The following RASSF1 variants were observed in gnomAD, a reference collection of about 807,000 sequenced individuals.
The protein encoded by RASSF1 is ras association domain-containing protein 1.
Under a neutral mutation model 34.3 loss-of-function variants are expected in RASSF1, and 33 were observed. That is an observed-to-expected ratio of 0.96 (90% CI 0.73 to 1.29). The LOEUF is 1.29. RASSF1 is among the 50% of genes most tolerant of loss of function. RASSF1 has a pLI of 0.00. For synonymous variants in RASSF1, 191 were observed against 195.0 expected (o/e 0.98, Z 0.17); for missense variants, 445 against 471.8 (o/e 0.94, Z 0.53).
intron 1 of RASSF1, among the ~76,000 whole-genome samples, chr3:50,339,067 C>G (rs1306311943): frequency 6.6e-6 from 1 of 152,216 alleles, no homozygotes; most frequent in Non-Finnish European, 1.5e-5. Context: ...GACCTAAACC[C>G]TCAGACTAGA....
At position 50,331,764 on chromosome 3, in the gene RASSF1, C is replaced by A; in HGVS notation, c.555G>T (p.Leu185Phe). The part of the protein sequence containing the change: ...SVPSSKKPPS[L>F]QDARRGPGRG... ...GTCCTGGGCCCCGCCGGGCATCCTG[C>A]AAGGAGGGTGGCTTCTTGCTGGAGG... The change falls in exon 4 of 6, where the codon TTG (leucine) becomes TTT (phenylalanine). Residue 185 changes from leucine (L) to phenylalanine (F), a missense_variant. By Grantham distance (22) the Leu-to-Phe change is conservative. Coordinates refer to ENST00000359365, the MANE Select transcript of RASSF1 (RefSeq NM_007182.5). 6.2e-7 allele frequency: 1 copy of A among 1,609,166 alleles called. No homozygotes were observed. The highest frequency in any genetic ancestry group is 8.5e-7 in the Non-Finnish European group (1 of 1,176,172).
chr3:50,331,962 G>C, intron 3 of RASSF1, 88 bp downstream of exon 3: 2 of 1,565,318 alleles, frequency 1.3e-6, no homozygotes, highest in Non-Finnish European at 1.7e-6. Flanking sequence ...GCCCACCCAA[G>C]ATAACCTCAG....
chr3:50,332,270 T>C (rs746133612), intron 2 of RASSF1, 116 bp from the exon 3 acceptor site: 12 of 772,514 alleles, frequency 1.6e-5, no homozygotes, highest in Middle Eastern at 3.5e-4. Context: ...GTCCCTGATG[T>C]ACATATACAT....
rs369195884 is a variant in RASSF1 at position 50,337,929 on chromosome 3, G to C, written c.333C>G (p.Pro111=). 3.7e-6 allele frequency: 6 copies of C among 1,611,652 alleles called. No individual in the cohort carries two copies. In the Admixed American group the frequency reaches 1.0e-4, roughly 27 times the overall value. The change falls in exon 2 of 6, where the codon CCC becomes CCG. Residue 111 remains proline (P), a synonymous_variant. Coordinates refer to ENST00000359365, the MANE Select transcript of RASSF1 (RefSeq NM_007182.5). The part of the protein sequence containing the change: ...CCGPRDLGWE[P]AVERDTNVDE... ...CCACGTTCGTGTCCCGCTCCACCGC[G>C]GGTTCCCAGCCCAGGTCCCGGGGCC... is the stretch of plus-strand genomic sequence containing the variant.
In RASSF1 at chr3:50,332,092, C is replaced by T. The variant is rs764444687; in HGVS notation, c.420G>A (p.Lys140=). The T allele has an allele frequency of 1.2e-6, 2 of 1,614,204 alleles. No homozygotes were observed. The highest frequency in any genetic ancestry group is 2.2e-5 in the South Asian group (2 of 91,090). The change falls in exon 3 of 6, where the codon AAG becomes AAA. Residue 140 remains lysine (K), a synonymous_variant. Transcript: ENST00000359365. ...TGCTGTTGATCTGGGCATTGTACTC[C>T]TTGATCTTCTGCTCAATCTCAGCTT... ...LSQAEIEQKI[K]EYNAQINSNL...
At chr3:50,337,204 G>T (rs755902543) in intron 2 of RASSF1, 2 of 1,612,592 alleles carry the variant, frequency 1.2e-6, no homozygotes, top group Admixed American at 1.7e-5. Context: ...AGCTAGCGAG[G>T]TTCGCGCGGT....
At chr3:50,337,342 G>C in intron 2 of RASSF1, 1 of 1,607,048 alleles carries the variant, frequency 6.2e-7, no homozygotes, top group Non-Finnish European at 8.5e-7. Context: ...CCGTCCCCCA[G>C]TCCTGCGCGT....
intron 2 of RASSF1, among the ~76,000 whole-genome samples, chr3:50,334,965 T>G (rs1318900415): frequency 6.6e-6 from 1 of 152,160 alleles, no homozygotes; most frequent in African/African-American, 2.4e-5. Flanking sequence ...TGGTTTTTTT[T>G]TTGAGACAGA....
chr3:50,335,796 G>A (rs1363124345), intron 2 of RASSF1, among the ~76,000 whole-genome samples: 2 of 151,996 alleles, frequency 1.3e-5, no homozygotes, highest in Admixed American at 1.3e-4. Context: ...AGTAGAGATA[G>A]GGTTTCACCA....
intron 2 of RASSF1, chr3:50,337,054 G>A: frequency 2.3e-6 from 3 of 1,299,870 alleles, no homozygotes; most frequent in Non-Finnish European, 3.0e-6. Context: ...GACCCGCGGG[G>A]AGCCACGTAG....
Position 50,340,669 on chromosome 3 carries a change from A to G in RASSF1, c.137T>C (p.Leu46Pro), listed in dbSNP as rs1703332099. 6.5e-7 allele frequency: 1 copy of G among 1,533,996 alleles called. No individual in the cohort carries two copies. Among genetic ancestry groups the G allele is most frequent in the East Asian group, 2.6e-5 (1 of 38,074 alleles). Reference sequence around the variant, plus strand: ...GAAGCGGTGGCCACGGCCAGGGACCAGCTGCCGTGTGGGGTTGCACGCGGT... The same window carrying G: ...GAAGCGGTGGCCACGGCCAGGGACCGGCTGCCGTGTGGGGTTGCACGCGGT... ...RGTACNPTRQ[L>P]VPGRGHRFQP... Residue 46 changes from leucine (L) to proline (P), a missense_variant, in exon 1 of 6, where the codon CTG becomes CCG. Leu to Pro is a moderately conservative substitution (Grantham distance 98). Coordinates refer to ENST00000359365, the MANE Select transcript of RASSF1 (RefSeq NM_007182.5).
At chr3:50,337,690 C>CTGGGCCCGGGTCCGCT (rs1703207692) in intron 2 of RASSF1, 2 of 857,434 alleles carry the variant, frequency 2.3e-6, no homozygotes, top group Non-Finnish European at 3.6e-6. Context: ...CTGGGTCAGC[C>CTGGGCCCGGGTCCGCT]TGGGCCCGGG....
Position 50,340,704 on chromosome 3 carries a change from G to A in RASSF1, c.102C>T (p.Ile34=), listed in dbSNP as rs1432799591. 3.9e-6 allele frequency: 6 copies of A among 1,528,214 alleles called. No individual in the cohort carries two copies. Among genetic ancestry groups the A allele is most frequent in the African/African-American group, 1.4e-5 (1 of 69,590 alleles). 94.7% of individuals were successfully genotyped at this position (1,528,214 alleles called of 1,614,324 possible). ...TRLERANALR[I]ARGTACNPTR... is the part of the protein sequence containing the mutation. ...TGGGGTTGCACGCGGTGCCCCGCGC[G>A]ATGCGCAGCGCGTTGGCACGCTCCA... Residue 34 remains isoleucine, a synonymous_variant, in exon 1 of 6, where the codon ATC becomes ATT. Transcript: ENST00000359365.
At chr3:50,333,863 A>G (rs745532045) in intron 2 of RASSF1, among the ~76,000 whole-genome samples, 2 of 152,182 alleles carry the variant, frequency 1.3e-5, no homozygotes, top group Non-Finnish European at 2.9e-5. Flanking sequence ...GGGACAGGGC[A>G]GCCAGGGCTC....
chr3:50,337,113 G>A, intron 2 of RASSF1: 1 of 1,505,262 alleles, frequency 6.6e-7, no homozygotes, highest in Non-Finnish European at 8.9e-7. Context: ...AACGGACCGG[G>A]GAGGGCGGAG....
intron 1 of RASSF1, among the ~76,000 whole-genome samples, chr3:50,339,871 G>A (rs1194783260): frequency 6.6e-6 from 1 of 152,118 alleles, no homozygotes; most frequent in Admixed American, 6.5e-5. Context: ...AAAATTTACT[G>A]ATGCCTAGGG....
At chr3:50,338,553 T>C (rs1446569393) in intron 1 of RASSF1, among the ~76,000 whole-genome samples, 1 of 152,232 alleles carries the variant, frequency 6.6e-6, no homozygotes, top group Non-Finnish European at 1.5e-5. Context: ...GTGCTGGGAC[T>C]ACAGGCTTGA....
chr3:50,331,200 A>C (rs746248483), intron 5 of RASSF1, 134 bp downstream of exon 5: 62 of 686,634 alleles, frequency 9.0e-5, no homozygotes, highest in Middle Eastern at 8.4e-4. Context: ...TGCTTTAGTT[A>C]CAATGCCTAT....
chr3:50,340,022 A>G lies in RASSF1; in HGVS notation c.250+534T>C, dbSNP rs1417002493. On this transcript the variant is annotated intron_variant, in intron 1 of 5. Coordinates refer to ENST00000359365, the MANE Select transcript of RASSF1 (RefSeq NM_007182.5). Reference sequence around the variant, plus strand: ...GCTTGCTGGCGATTCCCAGGGGTGCAGAAGGACTGCTGGGTGTGTGGCTGC... The same window carrying G: ...GCTTGCTGGCGATTCCCAGGGGTGCGGAAGGACTGCTGGGTGTGTGGCTGC... Among the ~76,000 whole-genome samples the G allele has an allele frequency of 2.0e-5, 3 of 152,232 alleles. No homozygotes were observed. The East Asian group carries it at 5.8e-4, about 29-fold the overall frequency.
Sources: allele counts gnomAD v4.1 joint callset (sites outside exome capture counted in the v4.1 genomes callset), GRCh38; gene constraint gnomAD v4.1.1; transcripts MANE v1.5; gene names NCBI Gene and HGNC (gene_info 2026-07-23, HGNC 2026-07-21).